ZNF385D: variants seen among roughly 807,000 people sequenced by gnomAD.
ZNF385D encodes zinc finger protein 385D.
Under a neutral mutation model 35.8 loss-of-function variants are expected in ZNF385D, and 15 were observed. That is an observed-to-expected ratio of 0.42 (90% CI 0.28 to 0.64). The LOEUF is 0.64. Ranked by LOEUF, ZNF385D falls within the 30% of genes least tolerant of loss-of-function variation. The probability of loss-of-function intolerance (pLI) is 0.23; values close to 1 mark genes in which losing one functional copy is unlikely to be tolerated. For missense variants in ZNF385D, 474 were observed against 494.6 expected, an observed-to-expected ratio of 0.96 and a Z score of 0.39; for synonymous variants, 212 against 186.8, an observed-to-expected ratio of 1.13 and a Z score of -1.10.
chr3:21,826,628 A>G (rs1292250095), intron 3 of ZNF385D, among the ~76,000 whole-genome samples: 1 of 152,124 alleles, frequency 6.6e-6, no homozygotes, highest in Non-Finnish European at 1.5e-5. Flanking sequence ...GTGGTCAGAG[A>G]CAGCAGCTAT....
At chr3:22,251,893 T>C (rs1700082030) in intron 2 of ZNF385D, among the ~76,000 whole-genome samples, 1 of 152,082 alleles carries the variant, frequency 6.6e-6, no homozygotes, top group African/African-American at 2.4e-5. Context: ...ATTCCCTCTT[T>C]TGTAAAATAA....
chr3:21,666,444 T>A (rs974643863), intron 1 of ZNF385D, among the ~76,000 whole-genome samples: 3 of 152,182 alleles, frequency 2.0e-5, no homozygotes, highest in Non-Finnish European at 4.4e-5. Context: ...CTTGAAATAA[T>A]AATAGCACGG....
chr3:22,123,922 ATC>A (rs34781505), intron 3 of ZNF385D, among the ~76,000 whole-genome samples: 7,994 of 79,146 alleles, frequency 0.1, 342 homozygotes, highest in Admixed American at 0.13. Context: ...GCTAGACTCC[ATC>A]TCTCTCTCTC....
intron 3 of ZNF385D, among the ~76,000 whole-genome samples, chr3:21,803,813 T>A (rs1374228494): frequency 2.0e-5 from 3 of 152,198 alleles, no homozygotes; most frequent in Non-Finnish European, 2.9e-5. Flanking sequence ...GTTCCAAGTA[T>A]CTTGGAAAGC....
chr3:22,112,834 C>T (rs1702605316), intron 3 of ZNF385D, among the ~76,000 whole-genome samples: 2 of 148,532 alleles, frequency 1.3e-5, no homozygotes, highest in South Asian at 4.2e-4. Context: ...TGTCACCCTT[C>T]CTATGGGGGG....
Position 22,323,267 on chromosome 3 carries a change from C to T in ZNF385D, c.106+49183G>A, listed in dbSNP as rs148557755. 2.0e-3 allele frequency among the ~76,000 whole-genome samples: 302 copies of T among 152,246 alleles called. 1 individual carries two copies. The highest frequency in any genetic ancestry group is 7.0e-3 in the African/African-American group (291 of 41,544). On this transcript the variant is annotated intron_variant, in intron 2 of 5. Coordinates refer to the ZNF385D transcript ENST00000494108. ...TTCCAGGATCTCTCCCTTCCTGACC[C>T]TGCCCACAGACTCCCTGTTGCTGGT...
intron 1 of ZNF385D, among the ~76,000 whole-genome samples, chr3:21,667,141 A>C (rs2066431957): frequency 6.6e-6 from 1 of 152,168 alleles, no homozygotes; most frequent in African/African-American, 2.4e-5. Context: ...AAATTTAAGA[A>C]GTAGTTTTAA....
In ZNF385D at chr3:21,940,665, C is replaced by T. The variant is rs183287582; in HGVS notation, c.325+228152G>A. On this transcript the variant is annotated intron_variant, in intron 3 of 5. Transcript: ENST00000494108. The stretch of plus-strand genomic sequence containing the variant: ...CAGATTATAAATATGTAATATAGTT[C>T]ACTATATTTCAATGCTGTGAAAAAA... Among the ~76,000 whole-genome samples, 376 of 152,110 alleles carry T rather than the reference C, an allele frequency of 2.5e-3. 1 individual carries two copies. The highest frequency in any genetic ancestry group is 8.6e-3 in the African/African-American group (358 of 41,514).
intron 3 of ZNF385D, among the ~76,000 whole-genome samples, chr3:22,129,501 G>A (rs750393711): frequency 6.6e-6 from 1 of 151,974 alleles, no homozygotes; most frequent in East Asian, 1.9e-4. Flanking sequence ...AATTGGCTTG[G>A]TGCTTTCTTT....
chr3:22,036,578 CAAAT>C (rs912544738), intron 3 of ZNF385D, among the ~76,000 whole-genome samples: 4 of 151,472 alleles, frequency 2.6e-5, no homozygotes, highest in African/African-American at 9.7e-5. Flanking sequence ...AGGAAAAAAA[CAAAT>C]TATTTCATTT....
intron 3 of ZNF385D, among the ~76,000 whole-genome samples, chr3:22,096,335 T>TA (rs398105677): frequency 1.4e-5 from 2 of 147,332 alleles, no homozygotes; most frequent in African/African-American, 2.5e-5. Context: ...ACTATTTTTT[T>TA]AAATAAATAA....
chr3:22,148,145 T>C (rs1704982814), intron 3 of ZNF385D, among the ~76,000 whole-genome samples: 1 of 152,140 alleles, frequency 6.6e-6, no homozygotes, highest in South Asian at 2.1e-4. Context: ...TAGAACCATA[T>C]AATTCAAGGA....
intron 3 of ZNF385D, among the ~76,000 whole-genome samples, chr3:22,028,346 A>G (rs1002238313): frequency 1.3e-5 from 2 of 152,312 alleles, no homozygotes; most frequent in Non-Finnish European, 2.9e-5. Context: ...GGCCCATGAA[A>G]AAAGTGGCCA....
chr3:22,284,110 A>G (rs1390967799), intron 2 of ZNF385D, among the ~76,000 whole-genome samples: 2 of 152,136 alleles, frequency 1.3e-5, no homozygotes, highest in African/African-American at 2.4e-5. Context: ...TACAACTGCC[A>G]TTCTATATCC....
chr3:21,526,549 A>C (rs1041100103), intron 3 of ZNF385D, among the ~76,000 whole-genome samples: 7 of 152,184 alleles, frequency 4.6e-5, no homozygotes, highest in African/African-American at 1.7e-4. Context: ...TGGAGATAGG[A>C]TAAAAACTCA....
At chr3:21,662,219 T>C (rs1188171780) in intron 2 of ZNF385D, among the ~76,000 whole-genome samples, 1 of 152,140 alleles carries the variant, frequency 6.6e-6, no homozygotes, top group African/African-American at 2.4e-5. Flanking sequence ...TTTGTGTGTC[T>C]AAGCGTGGCA....
Position 21,424,584 on chromosome 3 carries a change from A to G in ZNF385D, c.853-520T>C, listed in dbSNP as rs185081703. Among the ~76,000 whole-genome samples the G allele has an allele frequency of 1.2e-3, 177 of 150,264 alleles. 1 individual carries two copies. The highest frequency in any genetic ancestry group is 3.9e-3 in the African/African-American group (160 of 40,996). ...TGCCTCAGCCTCCCAAAGTGCTGAG[A>G]TTACAGGCGTGAGCCACTGCGCCCA... On this transcript the variant is annotated intron_variant, in intron 6 of 7. Transcript: ENST00000281523.
At chr3:22,218,432 A>G (rs1698031917) in intron 2 of ZNF385D, among the ~76,000 whole-genome samples, 1 of 151,776 alleles carries the variant, frequency 6.6e-6, no homozygotes, top group Non-Finnish European at 1.5e-5. Flanking sequence ...TTATTTGAAG[A>G]CCCCTTGAAT....
chr3:22,058,069 C>T (rs1699501858), intron 3 of ZNF385D, among the ~76,000 whole-genome samples: 1 of 152,110 alleles, frequency 6.6e-6, no homozygotes, highest in African/African-American at 2.4e-5. Context: ...CTATACACAC[C>T]CTTCTAGGCT....
Sources: allele counts gnomAD v4.1 joint callset (sites outside exome capture counted in the v4.1 genomes callset), GRCh38; gene constraint gnomAD v4.1.1; transcripts MANE v1.5; gene names NCBI Gene and HGNC (gene_info 2026-07-23, HGNC 2026-07-21).